The following DLG2 variants were observed in gnomAD, a reference collection of about 807,000 sequenced individuals.
DLG2 encodes disks large homolog 2.
A neutral mutation model predicts 132.5 loss-of-function variants in DLG2; 45 were observed. That is an observed-to-expected ratio of 0.34 (90% CI 0.27 to 0.44). The LOEUF is 0.44. DLG2 is among the 20% of genes least tolerant of loss of function. The pLI, the probability that DLG2 is intolerant of heterozygous loss-of-function variation, is 1.00. For synonymous variants in DLG2, 424 were observed against 419.6 expected, an observed-to-expected ratio of 1.01 and a Z score of -0.13; for missense variants, 1,045 against 1,196.9, an observed-to-expected ratio of 0.87 and a Z score of 1.87.
chr11:85,041,593 G>C (rs112346852), intron 6 of DLG2, among the ~76,000 whole-genome samples: 186 of 151,940 alleles, frequency 1.2e-3, no homozygotes, highest in African/African-American at 4.0e-3. Context: ...GTTTTAGAGA[G>C]GGATAATACA....
chr11:83,770,945 C>T (rs1446288786), intron 18 of DLG2, among the ~76,000 whole-genome samples: 1 of 152,126 alleles, frequency 6.6e-6, no homozygotes, highest in African/African-American at 2.4e-5. Flanking sequence ...AACGTTTTCT[C>T]TTGAATCTAT....
chr11:83,879,609 A>G (rs1221037459), intron 15 of DLG2, among the ~76,000 whole-genome samples: 1 of 152,204 alleles, frequency 6.6e-6, no homozygotes, highest in East Asian at 1.9e-4. Context: ...CTCAAATTTA[A>G]CATAATTAAA....
chr11:84,151,204 T>C (rs576327823), intron 9 of DLG2, among the ~76,000 whole-genome samples: 1 of 152,114 alleles, frequency 6.6e-6, no homozygotes, highest in Non-Finnish European at 1.5e-5. Context: ...GATTGGCTTT[T>C]TTTTTTTTCT....
intron 18 of DLG2, among the ~76,000 whole-genome samples, chr11:83,655,475 T>C (rs533546936): frequency 2.0e-5 from 3 of 152,288 alleles, no homozygotes; most frequent in Non-Finnish European, 4.4e-5. Context: ...GTGCTTATAT[T>C]GGGTCAGCTG....
intron 22 of DLG2, among the ~76,000 whole-genome samples, chr11:83,481,858 A>G (rs895343817): frequency 3.3e-5 from 5 of 152,066 alleles, no homozygotes; most frequent in Admixed American, 1.3e-4. Context: ...AATTTGTTCA[A>G]TTTTTAAAGA....
chr11:83,972,129 C>T (rs1459599552), intron 12 of DLG2, among the ~76,000 whole-genome samples: 3 of 152,018 alleles, frequency 2.0e-5, no homozygotes, highest in African/African-American at 7.2e-5. Flanking sequence ...AATGAATAGA[C>T]TTAAATTTAC....
intron 4 of DLG2, among the ~76,000 whole-genome samples, chr11:85,283,714 T>C (rs888744180): frequency 1.3e-5 from 2 of 151,876 alleles, no homozygotes; most frequent in Non-Finnish European, 2.9e-5. Context: ...GACAACATAT[T>C]TTAAATAATA....
At chr11:85,345,282 C>T (rs1165717807) in intron 3 of DLG2, among the ~76,000 whole-genome samples, 1 of 152,056 alleles carries the variant, frequency 6.6e-6, no homozygotes, top group Non-Finnish European at 1.5e-5. Context: ...TATGGCATGT[C>T]TTGGTGCTCC....
chr11:83,850,279 A>G (rs972517252), intron 16 of DLG2, among the ~76,000 whole-genome samples: 4 of 151,748 alleles, frequency 2.6e-5, no homozygotes, highest in South Asian at 2.1e-4. Context: ...TCAGCCTCCC[A>G]AGTAGCTGGG....
intron 3 of DLG2, among the ~76,000 whole-genome samples, chr11:85,437,346 G>T (rs1248330140): frequency 6.6e-6 from 1 of 151,586 alleles, no homozygotes; most frequent in Non-Finnish European, 1.5e-5. Context: ...AAGAAACAAT[G>T]ATACATATTT....
At chr11:84,138,699 A>G (rs2154233884) in intron 9 of DLG2, among the ~76,000 whole-genome samples, 1 of 152,322 alleles carries the variant, frequency 6.6e-6, no homozygotes, top group Middle Eastern at 3.4e-3. Context: ...CCATAATCCC[A>G]GAACTTCGGG....
At chr11:84,272,936 T>G (rs2097746159) in intron 7 of DLG2, among the ~76,000 whole-genome samples, 1 of 152,178 alleles carries the variant, frequency 6.6e-6, no homozygotes, top group Non-Finnish European at 1.5e-5. Flanking sequence ...ATTGGACCAC[T>G]GTTTATTCTT....
At chr11:84,701,237 G>C (rs976872659) in intron 6 of DLG2, among the ~76,000 whole-genome samples, 1 of 151,462 alleles carries the variant, frequency 6.6e-6, no homozygotes, top group African/African-American at 2.4e-5. Flanking sequence ...CAGCAAGAGA[G>C]AAGACTATTT....
intron 16 of DLG2, among the ~76,000 whole-genome samples, chr11:83,854,019 A>G (rs961508895): frequency 1.3e-5 from 2 of 152,198 alleles, no homozygotes; most frequent in African/African-American, 2.4e-5. Context: ...CTAATAAGCA[A>G]TTAGAGCAAG....
At chr11:84,763,806 T>A (rs752511459) in intron 6 of DLG2, among the ~76,000 whole-genome samples, 8 of 152,194 alleles carry the variant, frequency 5.3e-5, no homozygotes, top group African/African-American at 9.7e-5. Context: ...GAGTATTAAC[T>A]GATCTATAAA....
intron 6 of DLG2, among the ~76,000 whole-genome samples, chr11:84,822,532 A>G (rs952931870): frequency 1.3e-5 from 2 of 151,916 alleles, no homozygotes; most frequent in Non-Finnish European, 2.9e-5. Flanking sequence ...AACATTAGGA[A>G]TCATCTTAAT....
chr11:84,153,647 C>T (rs1566730654), intron 9 of DLG2, among the ~76,000 whole-genome samples: 2 of 152,178 alleles, frequency 1.3e-5, no homozygotes. Context: ...CTAATGCTTG[C>T]AACTATACTA....
At chr11:83,628,151 T>C (rs921181083) in intron 19 of DLG2, among the ~76,000 whole-genome samples, 11 of 152,258 alleles carry the variant, frequency 7.2e-5, no homozygotes, top group East Asian at 3.9e-4. Context: ...AAATTTTCTC[T>C]CATTCTGTAG....
intron 6 of DLG2, among the ~76,000 whole-genome samples, chr11:84,937,885 G>C (rs1035067059): frequency 6.6e-6 from 1 of 152,172 alleles, no homozygotes; most frequent in Non-Finnish European, 1.5e-5. Context: ...TGCACTGTCT[G>C]TGTTTTCAAA....
Sources: allele counts gnomAD v4.1 joint callset (sites outside exome capture counted in the v4.1 genomes callset), GRCh38; gene constraint gnomAD v4.1.1; transcripts MANE v1.5; gene names NCBI Gene and HGNC (gene_info 2026-07-23, HGNC 2026-07-21).